Variants in ATAD5 observed in about 807,000 individuals in gnomAD.
ATAD5 encodes ATPase family AAA domain-containing protein 5.
Under a neutral mutation model 176.9 loss-of-function variants are expected in ATAD5, and 58 were observed. The ratio of observed to expected loss-of-function variants is 0.33; its 90% CI spans 0.27 to 0.41. The LOEUF (loss-of-function observed/expected upper bound fraction) is 0.41, where lower values mean the gene tolerates loss of function less well. Ranked by LOEUF, ATAD5 falls within the 10% of genes least tolerant of loss-of-function variation. ATAD5 has a pLI of 1.00. For missense variants in ATAD5, 1,789 were observed against 2,094.1 expected, an observed-to-expected ratio of 0.85 and a Z score of 2.84; for synonymous variants, 640 against 712.6, an observed-to-expected ratio of 0.90 and a Z score of 1.62.
intron 6 of ATAD5, among the ~76,000 whole-genome samples, chr17:30,852,958 G>A (rs968784861): frequency 1.3e-5 from 2 of 150,202 alleles, no homozygotes; most frequent in African/African-American, 4.9e-5. Context: ...GCATGATCTC[G>A]ACTCACTGCA....
chr17:30,834,551 C>G lies in ATAD5; in HGVS notation c.470C>G (p.Ser157Cys). ...AATGATTTTGTGGAAAGTAGTACTT[C>G]TGTTTTACGTTACAAGAAACAAGTA... is the stretch of plus-strand genomic sequence containing the variant. ...LNNDFVESSTSVLRYKKQVEV... is the reference protein window; with the variant it reads ...LNNDFVESSTCVLRYKKQVEV... The change falls in exon 2 of 23, where the codon TCT becomes TGT. Residue 157 changes from serine (S) to cysteine (C), a missense_variant. By Grantham distance (112) the Ser-to-Cys change is moderately radical (BLOSUM62 -1). This residue lies in a region of ATAD5 where 696 missense variants were observed against 712.5 expected (regional missense o/e 0.98). Transcript: ENST00000321990. 6.2e-7 allele frequency: 1 copy of G among 1,600,142 alleles called. No homozygotes were observed. The highest frequency in any genetic ancestry group is 8.5e-7 in the Non-Finnish European group (1 of 1,176,728).
At chr17:30,862,248 C>T (rs1321557257) in intron 10 of ATAD5, among the ~76,000 whole-genome samples, 1 of 150,710 alleles carries the variant, frequency 6.6e-6, no homozygotes, top group Non-Finnish European at 1.5e-5. Flanking sequence ...GCAGGAGAAT[C>T]GCTTGAACCT....
chr17:30,850,863 ATATATATTTTTTTTTTTTTTTTTTT>A (rs1906900022), intron 6 of ATAD5, among the ~76,000 whole-genome samples: 1 of 24,486 alleles, frequency 4.1e-5, no homozygotes, highest in Admixed American at 7.0e-4. Flanking sequence ...ATATATATAT[ATATATATTTTTTTTTTTTTTTTTTT>A]TTTTTTTTTT....
chr17:30,876,199 GA>G (rs1413892921), intron 14 of ATAD5, among the ~76,000 whole-genome samples, 174 bp from the exon 15 acceptor site: 2 of 151,992 alleles, frequency 1.3e-5, no homozygotes, highest in Non-Finnish European at 2.9e-5. Context: ...TGTACTGGTA[GA>G]ATAAATAAAT....
At chr17:30,838,684 A>G (rs1905902149) in intron 3 of ATAD5, among the ~76,000 whole-genome samples, 1 of 152,222 alleles carries the variant, frequency 6.6e-6, no homozygotes, top group South Asian at 2.1e-4. Context: ...ATTTCATTCT[A>G]GAGGACAGCT....
chr17:30,875,115 T>C (rs952830005), intron 14 of ATAD5, among the ~76,000 whole-genome samples: 1 of 151,976 alleles, frequency 6.6e-6, no homozygotes, highest in Non-Finnish European at 1.5e-5. Context: ...AAAAAAAGAA[T>C]AGGACACAGA....
intron 6 of ATAD5, among the ~76,000 whole-genome samples, chr17:30,854,237 A>G (rs1907156270): frequency 6.8e-6 from 1 of 147,254 alleles, no homozygotes; most frequent in Admixed American, 6.8e-5. Flanking sequence ...ATATAATTAT[A>G]TTTTATAGAT....
rs188417340 is a variant in ATAD5, at chr17:30,877,928, C to T, written c.3919-75C>T. On this transcript the variant is annotated intron_variant, in intron 16 of 22. Coordinates refer to ENST00000321990, the MANE Select transcript of ATAD5 (RefSeq NM_024857.5). Reference sequence around the variant, plus strand: ...ATTCATAAATTTTGTCTCTAACAGACATAGAATATTTACTATGTATACATA... The same window carrying T: ...ATTCATAAATTTTGTCTCTAACAGATATAGAATATTTACTATGTATACATA... The T allele has an allele frequency of 2.3e-3, 2,424 of 1,062,464 alleles. 5 individuals carry two copies. The highest frequency in any genetic ancestry group is 3.0e-3 in the Non-Finnish European group (2,174 of 733,094). The allele number at this position is 1,062,464 out of a possible 1,614,324, so 65.8% of individuals were successfully genotyped here.
chr17:30,835,833 C>T lies in ATAD5; in HGVS notation c.1752C>T (p.Ser584=), dbSNP rs1418946709. 3 of 1,613,348 alleles carry T rather than the reference C, an allele frequency of 1.9e-6. No individual in the cohort carries two copies. Among genetic ancestry groups the T allele is most frequent in the Non-Finnish European group, 1.7e-6 (2 of 1,179,812 alleles). The change falls in exon 2 of 23, where the codon AGC becomes AGT. Residue 584 remains serine, a synonymous_variant. Coordinates refer to ENST00000321990, the MANE Select transcript of ATAD5 (RefSeq NM_024857.5). ...LTQSKAESEA[S]LLNVSTPKST... is the part of the protein sequence containing the mutation. ...AGTCTAAAGCTGAATCTGAAGCCAG[C>T]TTGCTAAATGTTTCCACGCCCAAGT...
chr17:30,850,947 C>T (rs1328383980), intron 6 of ATAD5, among the ~76,000 whole-genome samples: 4 of 122,518 alleles, frequency 3.3e-5, no homozygotes, highest in Non-Finnish European at 6.5e-5. Context: ...TGCAGTGGCA[C>T]GATCTCGACT....
Position 30,894,072 on chromosome 17 carries a change from A to G in ATAD5, c.5219A>G (p.Asp1740Gly). Reference sequence around the variant, plus strand: ...AATTCTTGCAAGAAATTAGGAAGAGATCCAACCAACGATCTTACTTTTTAT... The same window carrying G: ...AATTCTTGCAAGAAATTAGGAAGAGGTCCAACCAACGATCTTACTTTTTAT... ...TLNSCKKLGR[D>G]PTNDLTFYVS... Residue 1740 changes from aspartate to glycine, a missense_variant, in exon 21 of 23, where the codon GAT (aspartate) becomes GGT (glycine). Physicochemically the swap from Asp to Gly is moderately conservative, Grantham distance 94 (BLOSUM62 -1). This residue lies in a region of ATAD5 where 403 missense variants were observed against 495.1 expected (regional missense o/e 0.81). Transcript: ENST00000321990. 1 of 1,609,914 alleles carries G rather than the reference A, an allele frequency of 6.2e-7. No homozygotes were observed. The highest frequency in any genetic ancestry group is 8.5e-7 in the Non-Finnish European group (1 of 1,177,016).
chr17:30,873,489 T>C (rs970447733), intron 14 of ATAD5, among the ~76,000 whole-genome samples: 7 of 151,900 alleles, frequency 4.6e-5, no homozygotes, highest in African/African-American at 1.7e-4. Flanking sequence ...GGCTAATATT[T>C]GTGTTTTTAG....
intron 6 of ATAD5, among the ~76,000 whole-genome samples, chr17:30,849,431 A>G (rs967869577): frequency 6.6e-6 from 1 of 152,242 alleles, no homozygotes; most frequent in South Asian, 2.1e-4. Flanking sequence ...TAAAGCTGCT[A>G]TGAACATTCA....
At position 30,835,628 on chromosome 17, in the gene ATAD5, A is replaced by C; in HGVS notation, c.1547A>C (p.Asn516Thr). The part of the protein sequence containing the change: ...TFFLKEKQYQ[N>T]RMSLRQRKTE... ...TTCTTAAAAGAGAAACAATATCAAA[A>C]TAGAATGAGTTTAAGACAAAGGAAA... The change falls in exon 2 of 23, where the codon AAT (asparagine) becomes ACT (threonine). Residue 516 changes from asparagine (N) to threonine (T), a missense_variant. Around this residue, in one of 6 missense-constraint regions of ATAD5, gnomAD observed 696 missense variants for 712.5 expected, o/e 0.98. Transcript: ENST00000321990. The C allele has an allele frequency of 1.2e-6, 2 of 1,608,840 alleles. No individual in the cohort carries two copies. The highest frequency in any genetic ancestry group is 1.7e-6 in the Non-Finnish European group (2 of 1,178,292).
intron 10 of ATAD5, among the ~76,000 whole-genome samples, chr17:30,862,276 G>A (rs1240981475): frequency 1.3e-5 from 2 of 151,200 alleles, no homozygotes; most frequent in African/African-American, 4.9e-5. Flanking sequence ...GGAGGCTGCA[G>A]TGAGCCAAGA....
rs542432593 is a variant in ATAD5 at position 30,866,185 on chromosome 17, ATTTTTTTTTTTT to A, written c.3233+403_3233+414del. Among the ~76,000 whole-genome samples, 211 of 79,244 alleles carry A rather than the reference ATTTTTTTTTTTT, an allele frequency of 2.7e-3. 1 individual carries two copies. The highest frequency in any genetic ancestry group is 3.2e-3 in the Non-Finnish European group (148 of 45,788). 52.0% of individuals were successfully genotyped at this position (79,244 alleles called of 152,430 possible). A position where few individuals can be genotyped will look rare whatever the true frequency, so the allele number is the denominator to read the frequency against. ...CCTTTACACTTAGTAGAATTTACAA[ATTTTTTTTTTTT>A]TTTTTTTTTTTTTTTTTCAAGACAG... On this transcript the variant is annotated intron_variant, in intron 11 of 22. Coordinates refer to ENST00000321990, the MANE Select transcript of ATAD5 (RefSeq NM_024857.5).
At position 30,895,152 on chromosome 17, in the gene ATAD5, T is replaced by TACAAAAAATACTCCA. The variant is rs1567703613; in HGVS notation, c.*239_*240insACAAAAAATACTCCA. Reference sequence around the variant, plus strand: ...TGATTTAGCTTTGTTGGAGTATTTTTTGTATGTGAGTGAACTGTTTCTGGA... The same window carrying TACAAAAAATACTCCA: ...TGATTTAGCTTTGTTGGAGTATTTTTACAAAAAATACTCCATGTATGTGAGTGAACTGTTTCTGGA... On this transcript the variant is annotated 3_prime_UTR_variant, in exon 23 of 23. Coordinates refer to ENST00000321990, the MANE Select transcript of ATAD5 (RefSeq NM_024857.5). 3.1e-6 allele frequency: 1 copy of TACAAAAAATACTCCA among 326,470 alleles called. No homozygotes were observed. Among genetic ancestry groups the TACAAAAAATACTCCA allele is most frequent in the African/African-American group, 2.2e-5 (1 of 46,028 alleles). 20.2% of individuals were successfully genotyped at this position (326,470 alleles called of 1,614,324 possible).
At chr17:30,867,024 A>G (rs747417845) in intron 11 of ATAD5, among the ~76,000 whole-genome samples, 22 of 151,606 alleles carry the variant, frequency 1.5e-4, no homozygotes, top group South Asian at 6.3e-4. Flanking sequence ...ACTTGGTACT[A>G]CTGTTCTAAG....
intron 10 of ATAD5, chr17:30,861,866 A>G (rs1907656975): frequency 6.6e-6 from 1 of 151,942 alleles, no homozygotes; most frequent in South Asian, 2.1e-4. Flanking sequence ...CAGCACATAT[A>G]CTAAAATTGG....
Sources: gnomAD v4.1 joint callset for allele counts (sites outside exome capture counted in the v4.1 genomes callset) on GRCh38, gnomAD v4.1.1 for gene constraint, gnomAD v4.1.1 regional missense constraint, MANE v1.5 for transcripts, NCBI Gene and HGNC (gene_info 2026-07-23, HGNC 2026-07-21) for gene names.